The following NKTR variants were observed in gnomAD, a reference collection of about 807,000 sequenced individuals.
The protein encoded by NKTR is natural killer cell triggering receptor.
Under a neutral mutation model 156.3 loss-of-function variants are expected in NKTR, and 67 were observed. That is an observed-to-expected ratio of 0.43 (90% confidence interval 0.35 to 0.53). NKTR has a LOEUF of 0.53. Among genes scored for constraint, NKTR ranks in the 20% least tolerant of loss-of-function variants. The probability of loss-of-function intolerance (pLI) is 0.01; values close to 1 mark genes in which losing one functional copy is unlikely to be tolerated. For synonymous variants in NKTR, 640 were observed against 596.6 expected (o/e 1.07, Z -1.06); for missense variants, 1,604 against 1,730.9 (o/e 0.93, Z 1.30).
chr3:42,644,533 T>A (rs965418489), intron 16 of NKTR, among the ~76,000 whole-genome samples: 3 of 152,208 alleles, frequency 2.0e-5, no homozygotes, highest in African/African-American at 7.2e-5. Context: ...TGGCTTCTGG[T>A]CTTGCCTTCC....
chr3:42,619,856 G>A, intron 5 of NKTR, 148 bp downstream of exon 5: 1 of 1,441,276 alleles, frequency 6.9e-7, no homozygotes, highest in Non-Finnish European at 9.1e-7. Flanking sequence ...GCATGAATTT[G>A]GGGATAAATT....
chr3:42,607,969 CTTTTTTTTTTTTTTTTTTTTTTT>C (rs201803926), intron 2 of NKTR, among the ~76,000 whole-genome samples: 35 of 74,970 alleles, frequency 4.7e-4, no homozygotes, highest in Non-Finnish European at 5.3e-4. Flanking sequence ...CTGAGTCGCT[CTTTTTTTTTTTTTTTTTTTTTTT>C]TTTTTTTTTT....
At chr3:42,620,534 A>G (rs1330251905) in intron 5 of NKTR, 16 of 984,370 alleles carry the variant, frequency 1.6e-5, no homozygotes, top group Non-Finnish European at 1.8e-5. Context: ...GGGAAAATGG[A>G]TTACTACTCT....
At chr3:42,630,412 T>G (rs765282482) in intron 6 of NKTR, 134 bp from the exon 7 acceptor site, 28 of 1,506,986 alleles carry the variant, frequency 1.9e-5, no homozygotes, top group Non-Finnish European at 2.3e-5. Context: ...TAGATATATA[T>G]CATGTTTAAC....
chr3:42,626,402 G>A (rs1189355398), intron 6 of NKTR, among the ~76,000 whole-genome samples: 1 of 151,960 alleles, frequency 6.6e-6, no homozygotes, highest in African/African-American at 2.4e-5. Context: ...TGGTCAGTGT[G>A]TGTTCTCCAA....
In NKTR at chr3:42,637,061, C is replaced by G; in HGVS notation, c.1357C>G (p.Gln453Glu). ...GCAGAAACACTGCAGAAGACACAAA[C>G]AAACAAAGAAGAGAAGGATTCTTAT... ...KKQKHCRRHKQTKKRRILIPS... is the reference protein window; with the variant it reads ...KKQKHCRRHKETKKRRILIPS... The change falls in exon 13 of 17, where the codon CAA (glutamine) becomes GAA (glutamate). Residue 453 changes from glutamine (Q) to glutamate (E), a missense_variant. By Grantham distance (29) the Gln-to-Glu change is conservative (BLOSUM62 2). Transcript: ENST00000232978. 1.2e-6 allele frequency: 2 copies of G among 1,604,704 alleles called. No individual in the cohort carries two copies. Among genetic ancestry groups the G allele is most frequent in the Non-Finnish European group, 1.7e-6 (2 of 1,177,720 alleles).
At chr3:42,614,841 G>GT (rs1185806639) in intron 2 of NKTR, among the ~76,000 whole-genome samples, 1 of 151,738 alleles carries the variant, frequency 6.6e-6, no homozygotes, top group Non-Finnish European at 1.5e-5. Flanking sequence ...AGGTTAATGT[G>GT]TTTTTTTCAG....
chr3:42,636,670 T>C (rs1220453001), intron 12 of NKTR, among the ~76,000 whole-genome samples, 198 bp from the exon 13 acceptor site: 2 of 152,218 alleles, frequency 1.3e-5, no homozygotes, highest in Non-Finnish European at 2.9e-5. Flanking sequence ...AAAATCCTTT[T>C]GTAAGTGAAT....
intron 5 of NKTR, 90 bp downstream of exon 5, chr3:42,619,798 T>C: frequency 5.2e-6 from 8 of 1,550,908 alleles, no homozygotes; most frequent in Non-Finnish European, 6.1e-6. Flanking sequence ...GGTTTACTTA[T>C]AGTTCACTTT....
At chr3:42,621,345 CTT>C in intron 5 of NKTR, 82 bp from the exon 6 acceptor site, 1 of 1,497,866 alleles carries the variant, frequency 6.7e-7, no homozygotes, top group South Asian at 1.3e-5. Flanking sequence ...GGAATTTCAT[CTT>C]TTGCTTTCTA....
At position 42,603,617 on chromosome 3, in the gene NKTR, A is replaced by G. The variant is rs965974127; in HGVS notation, c.58+2553A>G. On this transcript the variant is annotated intron_variant, in intron 2 of 16. Coordinates refer to ENST00000232978, the MANE Select transcript of NKTR (RefSeq NM_005385.4). The stretch of plus-strand genomic sequence containing the variant: ...GAATCATATAAAACAAGGAAATGCA[A>G]TGCTTACATTGTTCTAGGTTTAATC... Among the ~76,000 whole-genome samples, 3 of 152,208 alleles carry G rather than the reference A, an allele frequency of 2.0e-5. No individual in the cohort carries two copies. In the South Asian group the frequency reaches 6.2e-4, roughly 31 times the overall value.
chr3:42,615,034 G>C (rs1707212066), intron 2 of NKTR, among the ~76,000 whole-genome samples: 5 of 149,614 alleles, frequency 3.3e-5, no homozygotes, highest in Admixed American at 3.3e-4. Flanking sequence ...TTTTTTTTTT[G>C]CTCCAGGCTA....
chr3:42,600,905 G>A, intron 1 of NKTR, 79 bp from the exon 2 acceptor site: 2 of 885,496 alleles, frequency 2.3e-6, no homozygotes, highest in Non-Finnish European at 3.1e-6. Flanking sequence ...CGCGGACTTC[G>A]TCTCAGCCCC....
intron 2 of NKTR, among the ~76,000 whole-genome samples, chr3:42,610,802 C>G (rs1706715398): frequency 6.6e-6 from 1 of 152,020 alleles, no homozygotes; most frequent in South Asian, 2.1e-4. Flanking sequence ...TTGCTGTGCT[C>G]TAGAACAGTT....
chr3:42,607,388 A>G (rs774950140), intron 2 of NKTR, among the ~76,000 whole-genome samples: 5 of 152,198 alleles, frequency 3.3e-5, no homozygotes, highest in Non-Finnish European at 5.9e-5. Flanking sequence ...CTGTGTGCAA[A>G]GTATCCAACA....
chr3:42,645,610 G>A (rs1710293043), intron 16 of NKTR, among the ~76,000 whole-genome samples: 1 of 152,248 alleles, frequency 6.6e-6, no homozygotes, highest in South Asian at 2.1e-4. Context: ...CTTGAACCCG[G>A]GAGGTGGAGG....
Position 42,633,736 on chromosome 3 carries a change from G to A in NKTR, c.929+1G>A, listed in dbSNP as rs990390222. On this transcript the variant is annotated splice_donor_variant, in intron 10 of 16. Transcript: ENST00000232978. LOFTEE classifies it high-confidence loss of function. ...CTGTTGTTACTGCAGAACCTGAACC[G>A]TAAGTAGGATGACTAAACTATTTAT... 6.2e-6 allele frequency: 10 copies of A among 1,613,498 alleles called. No individual in the cohort carries two copies. Among genetic ancestry groups the A allele is most frequent in the Admixed American group, 1.7e-5 (1 of 59,912 alleles).
intron 6 of NKTR, chr3:42,628,930 A>T (rs1708645247): frequency 7.4e-6 from 2 of 272,064 alleles, no homozygotes; most frequent in Admixed American, 1.3e-4. Context: ...TGAATCCGGG[A>T]GGCAGAGGTT....
intron 2 of NKTR, chr3:42,602,448 A>AG (rs1350544453): frequency 6.6e-6 from 1 of 152,202 alleles, no homozygotes; most frequent in African/African-American, 2.4e-5. Flanking sequence ...TGCATGTTTG[A>AG]GGGACAGCAG....
Sources: allele counts gnomAD v4.1 joint callset (sites outside exome capture counted in the v4.1 genomes callset), GRCh38; gene constraint gnomAD v4.1.1; transcripts MANE v1.5; gene names NCBI Gene and HGNC (gene_info 2026-07-23, HGNC 2026-07-21).